Variants in ANK3 observed in about 807,000 individuals in gnomAD.
ANK3 encodes ankyrin 3, also known as ankyrin-3.
Under a neutral mutation model 370.9 loss-of-function variants are expected in ANK3, and 57 were observed. The ratio of observed to expected loss-of-function variants is 0.15; its 90% CI spans 0.12 to 0.19. The LOEUF is 0.19. ANK3 is among the 10% of genes least tolerant of loss of function. ANK3 has a pLI of 1.00. For missense variants in ANK3, 4,439 were observed against 5,302.1 expected, an observed-to-expected ratio of 0.84 and a Z score of 5.06; for synonymous variants, 1,929 against 1,946.3, an observed-to-expected ratio of 0.99 and a Z score of 0.23.
chr10:60,583,631 C>T (rs2077789450), intron 2 of ANK3, among the ~76,000 whole-genome samples: 1 of 151,284 alleles, frequency 6.6e-6, no homozygotes, highest in African/African-American at 2.4e-5. Flanking sequence ...TTCTGTCACC[C>T]AGGTTGCAGT....
intron 1 of ANK3, among the ~76,000 whole-genome samples, chr10:60,667,268 T>G (rs945625440): frequency 4.0e-5 from 6 of 149,708 alleles, no homozygotes; most frequent in African/African-American, 1.2e-4. Flanking sequence ...ATTCCAGAGA[T>G]AAGCCAGGTT....
intron 7 of ANK3, among the ~76,000 whole-genome samples, chr10:60,247,878 G>A (rs1248514936): frequency 1.3e-5 from 2 of 152,102 alleles, no homozygotes; most frequent in Non-Finnish European, 2.9e-5. Flanking sequence ...TGTTGGCTAG[G>A]CAGGTGTTGA....
intron 1 of ANK3, among the ~76,000 whole-genome samples, chr10:60,360,800 T>TA (rs2058487173): frequency 6.6e-6 from 1 of 152,146 alleles, no homozygotes; most frequent in Non-Finnish European, 1.5e-5. Flanking sequence ...TTTTTTTGAA[T>TA]AAAAAATCAC....
Position 60,166,629 on chromosome 10 carries a change from A to C in ANK3, c.2576T>G (p.Met859Arg). The change falls in exon 23 of 44, where the codon ATG becomes AGG. Residue 859 changes from methionine to arginine, a missense_variant. Around this residue, in one of 13 missense-constraint regions of ANK3, gnomAD observed 702 missense variants for 941.5 expected, o/e 0.75. Coordinates refer to ENST00000280772, the MANE Select transcript of ANK3 (RefSeq NM_020987.5). ...DEVRKANAPEMLSDGEYISDV... is the reference protein window; with the variant it reads ...DEVRKANAPERLSDGEYISDV... ...TGAGATATATTCGCCATCACTGAGC[A>C]TTTCAGGGGCATTGGCTTTACGAAC... 1 of 1,613,882 alleles carries C rather than the reference A, an allele frequency of 6.2e-7. No homozygotes were observed. Among genetic ancestry groups the C allele is most frequent in the African/African-American group, 1.3e-5 (1 of 75,052 alleles).
chr10:60,327,002 C>A (rs1468973103), intron 1 of ANK3, among the ~76,000 whole-genome samples: 3 of 135,620 alleles, frequency 2.2e-5, no homozygotes, highest in South Asian at 2.2e-4. Flanking sequence ...CCTGGGCGAC[C>A]GAGACTCCGT....
At chr10:60,653,140 T>A (rs1434712605) in intron 1 of ANK3, among the ~76,000 whole-genome samples, 2 of 152,148 alleles carry the variant, frequency 1.3e-5, no homozygotes, top group African/African-American at 4.8e-5. Context: ...GAAGCAAAAG[T>A]TTTTATCCTG....
chr10:60,211,624 G>A (rs752303615), intron 9 of ANK3, among the ~76,000 whole-genome samples: 3 of 152,062 alleles, frequency 2.0e-5, no homozygotes, highest in African/African-American at 4.8e-5. Context: ...TATGATTAAA[G>A]TATGCATAAA....
intron 1 of ANK3, among the ~76,000 whole-genome samples, chr10:60,374,506 C>G (rs1012728289): frequency 1.3e-5 from 2 of 152,072 alleles, no homozygotes; most frequent in Non-Finnish European, 2.9e-5. Flanking sequence ...CCCACAGTGA[C>G]AAAGTAGGGT....
intron 1 of ANK3, among the ~76,000 whole-genome samples, chr10:60,377,672 C>A (rs1037398028): frequency 5.3e-5 from 8 of 152,114 alleles, no homozygotes. Context: ...AAGCCTTCTC[C>A]AAATGCATGA....
At chr10:60,698,897 T>TATA (rs200309538) in intron 1 of ANK3, among the ~76,000 whole-genome samples, 13,640 of 145,780 alleles carry the variant, frequency 0.094, 824 homozygotes, top group East Asian at 0.25. Flanking sequence ...AAACTTAAAG[T>TATA]ATAATAATAA....
intron 2 of ANK3, among the ~76,000 whole-genome samples, chr10:60,601,727 T>C (rs2078067409): frequency 6.6e-6 from 1 of 152,094 alleles, no homozygotes; most frequent in South Asian, 2.1e-4. Context: ...AAATATAATG[T>C]GGTACTGATG....
At chr10:60,437,042 C>T (rs1266517557) in intron 2 of ANK3, among the ~76,000 whole-genome samples, 1 of 152,190 alleles carries the variant, frequency 6.6e-6, no homozygotes, top group African/African-American at 2.4e-5. Flanking sequence ...GCCTTTCTTC[C>T]ACCTGGAACA....
At chr10:60,622,506 G>C (rs1229941636) in intron 1 of ANK3, among the ~76,000 whole-genome samples, 1 of 152,078 alleles carries the variant, frequency 6.6e-6, no homozygotes, top group Non-Finnish European at 1.5e-5. Flanking sequence ...CTCCCAAAGT[G>C]CTGGGATTAC....
Position 60,473,552 on chromosome 10 carries a change from G to T in ANK3, c.96+141634C>A, listed in dbSNP as rs140779865. Reference sequence around the variant, plus strand: ...TGTGATCCTATCATGAAGATAATAAGAAGATGAGTATGAAGGACCCCTTAA... The same window carrying T: ...TGTGATCCTATCATGAAGATAATAATAAGATGAGTATGAAGGACCCCTTAA... On this transcript the variant is annotated intron_variant, in intron 2 of 43. Coordinates refer to the ANK3 transcript ENST00000373827. Among the ~76,000 whole-genome samples, 65 of 152,230 alleles carry T rather than the reference G, an allele frequency of 4.3e-4. 1 individual carries two copies. Among genetic ancestry groups the T allele is most frequent in the African/African-American group, 1.4e-3 (59 of 41,562 alleles).
chr10:60,210,730 AT>A (rs2096840754), intron 9 of ANK3, among the ~76,000 whole-genome samples: 2 of 152,222 alleles, frequency 1.3e-5, no homozygotes, highest in South Asian at 2.1e-4. Flanking sequence ...TGGGGAAGAA[AT>A]AAAAAACCAG....
At chr10:60,642,685 G>A (rs1365571861) in intron 1 of ANK3, among the ~76,000 whole-genome samples, 4 of 152,002 alleles carry the variant, frequency 2.6e-5, no homozygotes, top group Admixed American at 1.3e-4. Flanking sequence ...GCTAAAGGAC[G>A]AGTTAATGGG....
rs530997742 is a variant in ANK3 at position 60,627,070 on chromosome 10, A to G, written c.58-11846T>C. ...GAAGCAACGGACTGAAGACAGAGAA[A>G]GGCCCGAAAGTAGTGAATAAAAAAT... is the stretch of plus-strand genomic sequence containing the variant. On this transcript the variant is annotated intron_variant, in intron 1 of 43. Coordinates refer to the ANK3 transcript ENST00000373827. Among the ~76,000 whole-genome samples, 75 of 152,284 alleles carry G rather than the reference A, an allele frequency of 4.9e-4. 1 individual carries two copies. Among genetic ancestry groups the G allele is most frequent in the Admixed American group, 4.7e-3 (72 of 15,280 alleles).
chr10:60,150,708 C>T (rs975185385), intron 23 of ANK3, among the ~76,000 whole-genome samples: 1 of 152,092 alleles, frequency 6.6e-6, no homozygotes, highest in African/African-American at 2.4e-5. Context: ...TCTCTTGCTC[C>T]CTCTCTTGCC....
intron 11 of ANK3, among the ~76,000 whole-genome samples, chr10:60,204,001 T>C (rs6479700): frequency 0.36 from 55,042 of 152,048 alleles, 10,755 homozygotes; most frequent in African/African-American, 0.51. Context: ...TTTAGTATGT[T>C]TAGAAAAAGC....
Sources: gnomAD v4.1 joint callset for allele counts (sites outside exome capture counted in the v4.1 genomes callset) on GRCh38, gnomAD v4.1.1 for gene constraint, gnomAD v4.1.1 regional missense constraint, MANE v1.5 for transcripts, NCBI Gene and HGNC (gene_info 2026-07-23, HGNC 2026-07-21) for gene names.